SOX5: variants seen among roughly 807,000 people sequenced by gnomAD.
SOX5 encodes transcription factor SOX-5.
SOX5 carries 9 observed loss-of-function variants against 92.0 expected under a neutral mutation model. That is an observed-to-expected ratio of 0.10 (90% CI 0.06 to 0.17). The LOEUF is 0.17. Ranked by LOEUF, SOX5 falls within the 10% of genes least tolerant of loss-of-function variation. SOX5 has a pLI of 1.00. For synonymous variants in SOX5, 344 were observed against 336.3 expected (o/e 1.02, Z -0.25); for missense variants, 642 against 944.5 (o/e 0.68, Z 4.20).
At chr12:23,924,032 T>C (rs1000228974) in intron 1 of SOX5, among the ~76,000 whole-genome samples, 3 of 152,212 alleles carry the variant, frequency 2.0e-5, no homozygotes, top group South Asian at 2.1e-4. Context: ...ATGAAAAACA[T>C]TGAGGGAGAA....
At chr12:24,148,505 G>C (rs7979559) in intron 4 of SOX5, among the ~76,000 whole-genome samples, 1 of 67,024 alleles carries the variant, frequency 1.5e-5, no homozygotes, top group Non-Finnish European at 2.6e-5. Context: ...AAAAAAAAAA[G>C]AGAGAGAGAG....
chr12:23,957,459 ACG>A, intron 4 of SOX5, among the ~76,000 whole-genome samples: 1 of 152,194 alleles, frequency 6.6e-6, no homozygotes. Context: ...TAAATACCTC[ACG>A]TGTGTGATGG....
intron 3 of SOX5, among the ~76,000 whole-genome samples, chr12:24,252,789 T>C (rs539048561): frequency 2.0e-5 from 3 of 152,094 alleles, no homozygotes; most frequent in Middle Eastern, 3.4e-3. Flanking sequence ...GATCTAATCA[T>C]AGCACTAAAC....
intron 2 of SOX5, among the ~76,000 whole-genome samples, chr12:24,297,406 T>A (rs496119): frequency 1.3e-5 from 2 of 152,106 alleles, no homozygotes; most frequent in African/African-American, 4.8e-5. Context: ...CCACACAGCA[T>A]GGGCTGAAAA....
At chr12:24,299,627 C>A (rs1007167204) in intron 2 of SOX5, among the ~76,000 whole-genome samples, 1 of 152,144 alleles carries the variant, frequency 6.6e-6, no homozygotes, top group Non-Finnish European at 1.5e-5. Flanking sequence ...AAACACTAGA[C>A]AGTTTATGTG....
intron 1 of SOX5, among the ~76,000 whole-genome samples, chr12:24,506,749 C>CCAATG (rs1187815066): frequency 6.8e-6 from 1 of 147,764 alleles, no homozygotes; most frequent in East Asian, 2.0e-4. Flanking sequence ...CCCTCCCTTT[C>CCAATG]CAATGCAACC....
At chr12:23,635,173 A>C (rs2079061287) in intron 8 of SOX5, among the ~76,000 whole-genome samples, 1 of 152,056 alleles carries the variant, frequency 6.6e-6, no homozygotes, top group South Asian at 2.1e-4. Flanking sequence ...TGATGTTTTA[A>C]CCTGAAACCT....
At chr12:24,018,408 T>C (rs761057666) in intron 4 of SOX5, among the ~76,000 whole-genome samples, 3 of 152,200 alleles carry the variant, frequency 2.0e-5, no homozygotes, top group Non-Finnish European at 2.9e-5. Context: ...CTAATTGTGA[T>C]GAAATTATTA....
chr12:24,325,957 T>G (rs1288772878), intron 2 of SOX5, among the ~76,000 whole-genome samples: 1 of 152,200 alleles, frequency 6.6e-6, no homozygotes, highest in Non-Finnish European at 1.5e-5. Context: ...CATTTGCTAT[T>G]TATTAAGACT....
Position 24,081,668 on chromosome 12 carries a change from C to A in SOX5, c.-2+131675G>T, listed in dbSNP as rs142582623. Among the ~76,000 whole-genome samples the A allele has an allele frequency of 1.1e-4, 17 of 152,048 alleles. No homozygotes were observed. The East Asian group carries it at 3.1e-3, about 28-fold the overall frequency. On this transcript the variant is annotated intron_variant, in intron 4 of 4. Transcript: ENST00000446891. Reference sequence around the variant, plus strand: ...TTCATGGAATACTTGGAACTCTCTGCACGGAACGTCACCCTTTTAACTAAT... The same window carrying A: ...TTCATGGAATACTTGGAACTCTCTGAACGGAACGTCACCCTTTTAACTAAT...
intron 7 of SOX5, among the ~76,000 whole-genome samples, chr12:23,661,981 A>G (rs927465436): frequency 6.6e-6 from 1 of 152,194 alleles, no homozygotes; most frequent in Admixed American, 6.6e-5. Flanking sequence ...CTAAGTTGAC[A>G]GTTTTAATAG....
chr12:24,281,541 T>A (rs1257875619), intron 2 of SOX5, among the ~76,000 whole-genome samples: 2 of 152,208 alleles, frequency 1.3e-5, no homozygotes, highest in Non-Finnish European at 2.9e-5. Context: ...TTGTGCCACA[T>A]AAATATGCAT....
rs1006434116 is a variant in SOX5 at position 23,532,111 on chromosome 12, CTATTAT to C, written c.*2102_*2107del. ...CAGCTGACCATTATTATTATTATTA[CTATTAT>C]TATTATTATTTTATCATCATCATCA... On this transcript the variant is annotated 3_prime_UTR_variant, in exon 15 of 15. Transcript: ENST00000451604. The C allele has an allele frequency of 7.3e-5, 11 of 150,558 alleles. No individual in the cohort carries two copies. Among genetic ancestry groups the C allele is most frequent in the Admixed American group, 1.3e-4 (2 of 15,066 alleles). 9.3% of individuals were successfully genotyped at this position (150,558 alleles called of 1,614,324 possible). A position where few individuals can be genotyped will look rare whatever the true frequency, so the allele number is the denominator to read the frequency against.
At chr12:24,308,609 T>A (rs1948856734) in intron 2 of SOX5, among the ~76,000 whole-genome samples, 1 of 152,168 alleles carries the variant, frequency 6.6e-6, no homozygotes, top group South Asian at 2.1e-4. Context: ...TAGACTGATG[T>A]CCTATCAACT....
intron 1 of SOX5, among the ~76,000 whole-genome samples, chr12:24,540,914 T>C (rs983528260): frequency 7.9e-5 from 12 of 152,332 alleles, no homozygotes; most frequent in African/African-American, 2.9e-4. Context: ...GAAGCTTCCA[T>C]TGGGTGAAAC....
intron 3 of SOX5, among the ~76,000 whole-genome samples, chr12:23,774,742 CCT>C (rs1273922111): frequency 1.2e-4 from 18 of 152,006 alleles, no homozygotes; most frequent in Non-Finnish European, 7.4e-5. Flanking sequence ...CTATTTTTAC[CCT>C]GTCTCATTCT....
rs952252318 is a variant in SOX5, at chr12:24,505,854, C to CGT, written c.-251+56473_-251+56474dup. On this transcript the variant is annotated intron_variant, in intron 1 of 4. Coordinates refer to the SOX5 transcript ENST00000446891. ...ATGTGTGTGTGTGTGTGTGTGTGTG[C>CGT]GTGTGTGTGTGTGTGTGTGCGCATC... 6.6e-3 allele frequency among the ~76,000 whole-genome samples: 605 copies of CGT among 91,262 alleles called. 1 individual carries two copies. Among genetic ancestry groups the CGT allele is most frequent in the African/African-American group, 0.011 (262 of 24,236 alleles). The allele number at this position is 91,262 out of a possible 152,430, so 59.9% of individuals were successfully genotyped here.
At chr12:24,334,080 T>C (rs150403228) in intron 2 of SOX5, among the ~76,000 whole-genome samples, 1 of 151,456 alleles carries the variant, frequency 6.6e-6, no homozygotes, top group Admixed American at 6.6e-5. Context: ...TGGGAAATAC[T>C]CATACTATAT....
In SOX5 at chr12:23,740,945, A is replaced by G; in HGVS notation, c.663T>C (p.Asp221=). The change falls in exon 5 of 15, where the codon GAT becomes GAC. Residue 221 remains aspartate (D), a synonymous_variant. Coordinates refer to ENST00000451604, the MANE Select transcript of SOX5 (RefSeq NM_006940.6). ...GAGAGGCAGCTAGTTTCTTCTGCTC[A>G]TCGTGGGCAGCCAACAGCTGCTCTC... ...SLREQLLAAH[D]EQKKLAASQI... The G allele has an allele frequency of 1.2e-6, 2 of 1,612,666 alleles. No individual in the cohort carries two copies. The highest frequency in any genetic ancestry group is 2.2e-5 in the South Asian group (2 of 90,936).
Sources: gnomAD v4.1 joint callset for allele counts (sites outside exome capture counted in the v4.1 genomes callset) on GRCh38, gnomAD v4.1.1 for gene constraint, MANE v1.5 for transcripts, NCBI Gene and HGNC (gene_info 2026-07-23, HGNC 2026-07-21) for gene names.